Variants in GAB1 observed in about 807,000 individuals in gnomAD.
GAB1 encodes GRB2-associated-binding protein 1.
A neutral mutation model predicts 66.5 loss-of-function variants in GAB1; 19 were observed. That is an observed-to-expected ratio of 0.29 (90% CI 0.20 to 0.42). The LOEUF (loss-of-function observed/expected upper bound fraction) is 0.42, where lower values mean the gene tolerates loss of function less well. GAB1 is among the 10% of genes least tolerant of loss of function. The pLI is 1.00. For synonymous variants in GAB1, 294 were observed against 301.4 expected (o/e 0.98, Z 0.25); for missense variants, 732 against 858.5 (o/e 0.85, Z 1.84).
intron 1 of GAB1, among the ~76,000 whole-genome samples, chr4:143,402,604 A>C (rs1466160456): frequency 6.6e-6 from 1 of 152,180 alleles, no homozygotes; most frequent in Non-Finnish European, 1.5e-5. Flanking sequence ...AGGTCCCATC[A>C]CAAAGGGTTG....
At chr4:143,411,618 G>A (rs1732395509) in intron 1 of GAB1, among the ~76,000 whole-genome samples, 1 of 152,176 alleles carries the variant, frequency 6.6e-6, no homozygotes, top group Non-Finnish European at 1.5e-5. Flanking sequence ...ATAAAAATAG[G>A]ACAAACTTTA....
chr4:143,401,786 A>C (rs1054093721), intron 1 of GAB1, among the ~76,000 whole-genome samples: 14 of 152,242 alleles, frequency 9.2e-5, no homozygotes, highest in African/African-American at 3.4e-4. Context: ...AATAAAGATT[A>C]GATGAGAATA....
chr4:143,472,240 G>T lies in GAB1; in HGVS notation c.*3051G>T, dbSNP rs1278949363. ...TATAAGTTACTGTGAGCATTTTAGA[G>T]AATTCCATAAAGGTACTATGAGTGT... is the stretch of plus-strand genomic sequence containing the variant. On this transcript the variant is annotated 3_prime_UTR_variant, in exon 10 of 10. Coordinates refer to ENST00000262994, the MANE Select transcript of GAB1 (RefSeq NM_002039.4). 6.6e-6 allele frequency: 1 copy of T among 152,082 alleles called. No homozygotes were observed. Among genetic ancestry groups the T allele is most frequent in the Non-Finnish European group, 1.5e-5 (1 of 67,992 alleles). 9.4% of individuals were successfully genotyped at this position (152,082 alleles called of 1,614,324 possible).
chr4:143,460,325 G>T (rs1020065295), intron 7 of GAB1, 39 bp from the exon 8 acceptor site: 1 of 1,603,340 alleles, frequency 6.2e-7, no homozygotes. Flanking sequence ...AGATATTTTT[G>T]TCAAGGCTTA....
chr4:143,342,632 A>G lies in GAB1; in HGVS notation c.72+5372A>G, dbSNP rs142335896. 1.6e-3 allele frequency among the ~76,000 whole-genome samples: 209 copies of G among 133,234 alleles called. 1 individual carries two copies. Among genetic ancestry groups the G allele is most frequent in the African/African-American group, 5.7e-3 (198 of 34,666 alleles). 87.4% of individuals were successfully genotyped at this position (133,234 alleles called of 152,430 possible). A position where few individuals can be genotyped will look rare whatever the true frequency, so the allele number is the denominator to read the frequency against. ...ATGGCATGATCTTGGCTCATGGCTC[A>G]CTGCAACCTCCATCTCCCGGATTTA... is the stretch of plus-strand genomic sequence containing the variant. On this transcript the variant is annotated intron_variant, in intron 1 of 9. Transcript: ENST00000262994.
intron 8 of GAB1, among the ~76,000 whole-genome samples, chr4:143,464,216 T>C (rs1355513500): frequency 2.6e-5 from 4 of 152,100 alleles, no homozygotes; most frequent in Non-Finnish European, 5.9e-5. Flanking sequence ...GCTCTACATG[T>C]TATTTTTGAT....
At chr4:143,349,279 G>C (rs934467772) in intron 1 of GAB1, 3 of 1,114,048 alleles carry the variant, frequency 2.7e-6, no homozygotes, top group Admixed American at 2.4e-5. Context: ...AAAACCCTAC[G>C]TTGTAGCCAC....
intron 1 of GAB1, among the ~76,000 whole-genome samples, chr4:143,375,011 G>C (rs962811291): frequency 2.8e-4 from 42 of 152,206 alleles, no homozygotes; most frequent in Non-Finnish European, 5.0e-4. Context: ...GCAGTCGTGT[G>C]ATCCTGGCTC....
intron 1 of GAB1, among the ~76,000 whole-genome samples, chr4:143,367,461 T>G (rs1729930364): frequency 1.3e-5 from 2 of 152,084 alleles, no homozygotes; most frequent in Non-Finnish European, 2.9e-5. Flanking sequence ...AAAATGTATA[T>G]AAAGTACCTC....
At chr4:143,429,219 C>G (rs1733524412) in intron 2 of GAB1, among the ~76,000 whole-genome samples, 1 of 152,180 alleles carries the variant, frequency 6.6e-6, no homozygotes, top group Non-Finnish European at 1.5e-5. Context: ...TCTCCCACCT[C>G]AGCCTCCTGA....
In GAB1 at chr4:143,460,341, G is replaced by T. The variant is rs773311541; in HGVS notation, c.1680-23G>T. 7 of 1,612,268 alleles carry T rather than the reference G, an allele frequency of 4.3e-6. No homozygotes were observed. In the Admixed American group the frequency reaches 1.2e-4, roughly 27 times the overall value. On this transcript the variant is annotated intron_variant, in intron 7 of 9. Coordinates refer to ENST00000262994, the MANE Select transcript of GAB1 (RefSeq NM_002039.4). ...GATATTTTTGTCAAGGCTTATGTTT[G>T]TGATGATAATTTCTGTAATTAGCTC... is the stretch of plus-strand genomic sequence containing the variant.
intron 1 of GAB1, among the ~76,000 whole-genome samples, chr4:143,340,018 T>A (rs891277909): frequency 1.3e-5 from 2 of 152,194 alleles, no homozygotes; most frequent in African/African-American, 4.8e-5. Flanking sequence ...ATGAGTTAAA[T>A]AAGGCTTATT....
chr4:143,425,891 G>A, intron 2 of GAB1: 1 of 1,421,072 alleles, frequency 7.0e-7, no homozygotes. Flanking sequence ...CCACTGCTCA[G>A]GCCACTGAAT....
intron 1 of GAB1, among the ~76,000 whole-genome samples, chr4:143,406,917 A>G (rs1027520137): frequency 1.2e-4 from 18 of 152,202 alleles, no homozygotes; most frequent in African/African-American, 3.9e-4. Flanking sequence ...GTAAAAATAT[A>G]CTTAGCTTGC....
intron 1 of GAB1, chr4:143,349,617 G>T: frequency 6.9e-7 from 1 of 1,459,416 alleles, no homozygotes; most frequent in South Asian, 1.2e-5. Flanking sequence ...CCTTGCAAGG[G>T]ACGGTGTGGG....
intron 6 of GAB1, among the ~76,000 whole-genome samples, chr4:143,445,293 G>C (rs1734449017): frequency 6.6e-6 from 1 of 152,168 alleles, no homozygotes; most frequent in Non-Finnish European, 1.5e-5. Context: ...GTTTTGACTA[G>C]TGTGAGATGA....
intron 1 of GAB1, among the ~76,000 whole-genome samples, chr4:143,392,636 T>A (rs1052910314): frequency 3.3e-5 from 5 of 152,190 alleles, no homozygotes; most frequent in Non-Finnish European, 7.4e-5. Context: ...ATTTCTGAAT[T>A]CCTCAGGAGT....
chr4:143,387,410 C>T (rs567222089), intron 1 of GAB1, among the ~76,000 whole-genome samples: 3 of 152,304 alleles, frequency 2.0e-5, no homozygotes, highest in Admixed American at 2.0e-4. Flanking sequence ...GGATAACAGG[C>T]GTGAGCCACC....
At chr4:143,455,145 T>C (rs1419511508) in intron 6 of GAB1, among the ~76,000 whole-genome samples, 1 of 152,136 alleles carries the variant, frequency 6.6e-6, no homozygotes, top group South Asian at 2.1e-4. Context: ...TGTTGTCATA[T>C]AGGGAAATCA....
Sources: allele counts gnomAD v4.1 joint callset (sites outside exome capture counted in the v4.1 genomes callset), GRCh38; gene constraint gnomAD v4.1.1; transcripts MANE v1.5; gene names NCBI Gene and HGNC (gene_info 2026-07-23, HGNC 2026-07-21).